Variants in ABCC1 observed in about 807,000 individuals in gnomAD.
The protein encoded by ABCC1 is multidrug resistance-associated protein 1.
ABCC1 carries 83 observed loss-of-function variants against 172.9 expected under a neutral mutation model. The ratio of observed to expected loss-of-function variants is 0.48; its 90% CI spans 0.40 to 0.58. The LOEUF (loss-of-function observed/expected upper bound fraction) is 0.58, where lower values mean the gene tolerates loss of function less well. Ranked by LOEUF, ABCC1 falls within the 20% of genes least tolerant of loss-of-function variation. The pLI is 0.00. For missense variants in ABCC1, 1,817 were observed against 2,002.7 expected, an observed-to-expected ratio of 0.91 and a Z score of 1.77; for synonymous variants, 937 against 825.2, an observed-to-expected ratio of 1.14 and a Z score of -2.32.
chr16:15,965,488 T>G (rs1329855717), intron 1 of ABCC1, among the ~76,000 whole-genome samples: 1 of 152,046 alleles, frequency 6.6e-6, no homozygotes, highest in African/African-American at 2.4e-5. Context: ...GAGACGGAGT[T>G]TCACCGTGTT....
At position 15,983,684 on chromosome 16, in the gene ABCC1, TA is replaced by T. The variant is rs532489444; in HGVS notation, c.49-24131del. On this transcript the variant is annotated intron_variant, in intron 1 of 30. Transcript: ENST00000399410. ...AATCCTCCTACCTCAGCTTCCGGAG[TA>T]GCTGGGACTACAGGTGCCCACTACC... 3.1e-3 allele frequency among the ~76,000 whole-genome samples: 468 copies of T among 151,346 alleles called. 3 individuals are homozygous for T. Among genetic ancestry groups the T allele is most frequent in the African/African-American group, 0.011 (454 of 41,224 alleles).
chr16:16,001,297 T>C (rs971433255), intron 1 of ABCC1, among the ~76,000 whole-genome samples: 1 of 152,110 alleles, frequency 6.6e-6, no homozygotes, highest in Non-Finnish European at 1.5e-5. Context: ...CTGCAAGCTC[T>C]GCCTCCCGGG....
intron 12 of ABCC1, among the ~76,000 whole-genome samples, chr16:16,058,354 T>TC (rs149267425): frequency 0.05 from 7,543 of 152,274 alleles, 404 homozygotes; most frequent in East Asian, 0.33. Flanking sequence ...CAACTATTCC[T>TC]TCTTGGTCAG....
At chr16:15,996,504 A>C (rs1008612997) in intron 1 of ABCC1, among the ~76,000 whole-genome samples, 3 of 152,110 alleles carry the variant, frequency 2.0e-5, no homozygotes, top group Non-Finnish European at 2.9e-5. Flanking sequence ...GTATGTCCTC[A>C]TTACCTCCCA....
At chr16:15,970,334 A>G (rs998340025) in intron 1 of ABCC1, among the ~76,000 whole-genome samples, 1 of 152,214 alleles carries the variant, frequency 6.6e-6, no homozygotes, top group Non-Finnish European at 1.5e-5. Flanking sequence ...GAGGTTGCCT[A>G]CGTCTCTCCT....
intron 1 of ABCC1, among the ~76,000 whole-genome samples, chr16:15,997,884 G>A (rs1347717451): frequency 7.2e-6 from 1 of 138,764 alleles, no homozygotes. Context: ...CCTGATCTCT[G>A]CTCACTGCAA....
intron 5 of ABCC1, among the ~76,000 whole-genome samples, chr16:16,028,191 G>C (rs2048440897): frequency 6.6e-6 from 1 of 152,134 alleles, no homozygotes; most frequent in Non-Finnish European, 1.5e-5. Context: ...AGTGATTAAG[G>C]GGTGATATCG....
intron 1 of ABCC1, among the ~76,000 whole-genome samples, chr16:15,957,080 T>A (rs974525898): frequency 4.0e-5 from 6 of 151,392 alleles, no homozygotes; most frequent in African/African-American, 1.2e-4. Context: ...ATGGCTTGTT[T>A]TTTTATTTTA....
chr16:15,969,101 G>C (rs962034002), intron 1 of ABCC1, among the ~76,000 whole-genome samples: 1 of 152,100 alleles, frequency 6.6e-6, no homozygotes, highest in Admixed American at 6.5e-5. Flanking sequence ...CTACTGGGAA[G>C]GGGGAGGCAT....
chr16:15,962,840 A>G (rs907013876), intron 1 of ABCC1, among the ~76,000 whole-genome samples: 1 of 152,146 alleles, frequency 6.6e-6, no homozygotes, highest in Non-Finnish European at 1.5e-5. Context: ...GAGCCGTGCC[A>G]TATCATTCTG....
At chr16:16,107,828 T>G (rs2052201877) in intron 21 of ABCC1, among the ~76,000 whole-genome samples, 1 of 151,956 alleles carries the variant, frequency 6.6e-6, no homozygotes, top group South Asian at 2.1e-4. Flanking sequence ...TTTTTGTTTT[T>G]GTTTTTAAAG....
chr16:16,130,390 C>G (rs1041720429), intron 26 of ABCC1, among the ~76,000 whole-genome samples: 1 of 152,082 alleles, frequency 6.6e-6, no homozygotes, highest in Non-Finnish European at 1.5e-5. Context: ...AAAATTCACC[C>G]AACACTGAAA....
At chr16:16,129,578 C>G (rs1158361500) in intron 26 of ABCC1, among the ~76,000 whole-genome samples, 2 of 149,882 alleles carry the variant, frequency 1.3e-5, no homozygotes, top group Non-Finnish European at 3.0e-5. Context: ...TGCTGTGTCA[C>G]CCAGACTGGA....
chr16:15,981,528 A>G (rs1472771938), intron 1 of ABCC1, among the ~76,000 whole-genome samples: 1 of 152,176 alleles, frequency 6.6e-6, no homozygotes, highest in Non-Finnish European at 1.5e-5. Flanking sequence ...CTGATGGCAC[A>G]GCCCGAGCAG....
chr16:16,136,670 C>G, intron 29 of ABCC1, 26 bp downstream of exon 29: 1 of 1,611,966 alleles, frequency 6.2e-7, no homozygotes. Flanking sequence ...CAAGGAGACA[C>G]CGGGTAAGGT....
chr16:16,086,295 T>G (rs1567387097), intron 17 of ABCC1, among the ~76,000 whole-genome samples: 1 of 152,196 alleles, frequency 6.6e-6, no homozygotes, highest in Admixed American at 6.5e-5. Context: ...CCTGTGCCTG[T>G]GATCCCATCC....
At chr16:16,106,416 GAAAA>G (rs56210046) in intron 20 of ABCC1, 7 of 124,664 alleles carry the variant, frequency 5.6e-5, no homozygotes, top group East Asian at 2.2e-4. Flanking sequence ...ATTGATCTCA[GAAAA>G]AAAAAAAAAA....
In ABCC1 at chr16:16,136,466, C is replaced by G. The variant is rs2045921719; in HGVS notation, c.4126-12C>G. On this transcript the variant is annotated splice_polypyrimidine_tract_variant and intron_variant, in intron 28 of 30. Coordinates refer to ENST00000399410, the MANE Select transcript of ABCC1 (RefSeq NM_004996.4). ...GGTGTCACATGCCGTCCACTCTCTTCTCTCTGAACAGGACCCTGTTTTGTT... is the reference window on the plus strand; with the variant it reads ...GGTGTCACATGCCGTCCACTCTCTTGTCTCTGAACAGGACCCTGTTTTGTT... 6.2e-7 allele frequency: 1 copy of G among 1,613,698 alleles called. No individual in the cohort carries two copies. Among genetic ancestry groups the G allele is most frequent in the Non-Finnish European group, 8.5e-7 (1 of 1,179,728 alleles).
At chr16:16,033,946 A>G (rs112699193) in intron 6 of ABCC1, among the ~76,000 whole-genome samples, 62 of 136,952 alleles carry the variant, frequency 4.5e-4, no homozygotes, top group African/African-American at 1.6e-3. Context: ...CTCTTTTTGT[A>G]TATCTTTTTC....
Sources: allele counts gnomAD v4.1 joint callset (sites outside exome capture counted in the v4.1 genomes callset), GRCh38; gene constraint gnomAD v4.1.1; transcripts MANE v1.5; gene names NCBI Gene and HGNC (gene_info 2026-07-23, HGNC 2026-07-21).